Variants in NHSL2 observed in about 807,000 individuals in gnomAD.
NHSL2 encodes the protein NHS-like protein 2.
NHSL2 carries 27 observed loss-of-function variants against 53.4 expected under a neutral mutation model. That is an observed-to-expected ratio of 0.51 (90% CI 0.37 to 0.70). The LOEUF is 0.70. Among genes scored for constraint, NHSL2 ranks in the 30% least tolerant of loss-of-function variants. The pLI is 0.00. For synonymous variants in NHSL2, 408 were observed against 404.1 expected (o/e 1.01, Z -0.12); for missense variants, 892 against 980.1 (o/e 0.91, Z 1.20).
intron 1 of NHSL2, among the ~76,000 whole-genome samples, chrX:71,918,193 G>A (rs1433504207): frequency 1.8e-5 from 2 of 111,072 alleles, no homozygotes; most frequent in African/African-American, 6.6e-5. Context: ...GTGTGTCCCC[G>A]GCTGTGTGTA....
At chrX:71,969,560 G>A (rs780824698) in intron 1 of NHSL2, among the ~76,000 whole-genome samples, 2 of 111,602 alleles carry the variant, frequency 1.8e-5, no homozygotes, top group Admixed American at 9.5e-5. Flanking sequence ...TGATCCACTC[G>A]CTTCAGCCTC....
chrX:72,087,727 C>G (rs1366787593), intron 1 of NHSL2, among the ~76,000 whole-genome samples: 1 of 110,751 alleles, frequency 9.0e-6, no homozygotes, highest in Non-Finnish European at 1.9e-5. Flanking sequence ...AAAAAATTAG[C>G]CAGGCGTGGT....
chrX:71,922,600 C>T (rs1204902176), intron 1 of NHSL2, among the ~76,000 whole-genome samples: 1 of 111,663 alleles, frequency 9.0e-6, no homozygotes, highest in East Asian at 2.8e-4. Flanking sequence ...TCCCTTGAGC[C>T]CAAGAGTTCA....
At chrX:71,931,976 A>T (rs926837289) in intron 1 of NHSL2, among the ~76,000 whole-genome samples, 4 of 112,036 alleles carry the variant, frequency 3.6e-5, no homozygotes, top group African/African-American at 1.3e-4. Flanking sequence ...ATCCACATTC[A>T]TTTTTTCTTT....
chrX:71,949,204 C>T (rs996169995), intron 1 of NHSL2, among the ~76,000 whole-genome samples: 6 of 111,437 alleles, frequency 5.4e-5, no homozygotes, highest in African/African-American at 2.0e-4. Context: ...AATGCTCTTA[C>T]TTGATCAAAT....
intron 1 of NHSL2, among the ~76,000 whole-genome samples, chrX:72,052,866 G>C (rs1970567586): frequency 9.0e-6 from 1 of 111,482 alleles, no homozygotes; most frequent in Non-Finnish European, 1.9e-5. Context: ...CTCTGGCCAA[G>C]CTGCTAACAG....
At chrX:71,977,425 C>CTTTT (rs374810519) in intron 1 of NHSL2, among the ~76,000 whole-genome samples, 1 of 92,725 alleles carries the variant, frequency 1.1e-5, no homozygotes, top group African/African-American at 3.9e-5. Context: ...CTCTCTCTCT[C>CTTTT]TTTTTTTTTT....
chrX:71,987,531 G>A (rs868464485), intron 1 of NHSL2, among the ~76,000 whole-genome samples: 5 of 112,267 alleles, frequency 4.5e-5, no homozygotes, highest in African/African-American at 1.6e-4. Context: ...GCTAGTATGT[G>A]ACCGAATTTA....
chrX:71,964,027 G>GTGTATA (rs1235148982), intron 1 of NHSL2, among the ~76,000 whole-genome samples: 2 of 14,185 alleles, frequency 1.4e-4, no homozygotes, highest in African/African-American at 2.5e-4. Flanking sequence ...ATATATATGT[G>GTGTATA]TATATATATA....
chrX:71,973,886 C>T (rs2041936899), intron 1 of NHSL2, among the ~76,000 whole-genome samples: 2 of 111,115 alleles, frequency 1.8e-5, no homozygotes, highest in African/African-American at 3.3e-5. Flanking sequence ...GAAGCTGAAA[C>T]CCGTAGACTT....
chrX:72,131,449 T>A lies in NHSL2; in HGVS notation c.281-630T>A, dbSNP rs181244327. On this transcript the variant is annotated intron_variant, in intron 1 of 7. Coordinates refer to ENST00000633930, the MANE Select transcript of NHSL2 (RefSeq NM_001013627.3). ...GGCTCTCCCGAGCTGGAGGCCCAAA[T>A]TGGCATTCTCCCCGCGAAGGGCATT... The A allele has an allele frequency of 5.8e-6, 7 of 1,210,054 alleles. No individual in the cohort carries two copies. The South Asian group carries it at 1.1e-4, about 18-fold the overall frequency.
Position 72,142,331 on chromosome X carries a change from G to A in NHSL2, c.3323G>A (p.Arg1108His), listed in dbSNP as rs1440318133. 7.7e-6 allele frequency: 9 copies of A among 1,161,430 alleles called. No individual in the cohort carries two copies. Among genetic ancestry groups the A allele is most frequent in the Non-Finnish European group, 8.1e-6 (7 of 867,768 alleles). The change falls in exon 7 of 8, where the codon CGC (arginine) becomes CAC (histidine). Residue 1108 changes from arginine (R) to histidine (H), a missense_variant. Physicochemically the swap from Arg to His is conservative, Grantham distance 29. Transcript: ENST00000633930. ...GATGATGACGTGTTTGTGGCTTCAC[G>A]CACAACTGAAGATTTATTTACTGTG... ...EDDDDVFVAS[R>H]TTEDLFTVIH... is the part of the protein sequence containing the mutation.
At position 71,989,946 on chromosome X, in the gene NHSL2, C is replaced by T. The variant is rs867888297; in HGVS notation, c.280+78579C>T. 4.4e-5 allele frequency among the ~76,000 whole-genome samples: 5 copies of T among 112,458 alleles called. 1 individual carries two copies. Among genetic ancestry groups the T allele is most frequent in the Middle Eastern group, 9.2e-3 (2 of 218 alleles). The stretch of plus-strand genomic sequence containing the variant: ...TGAGGTGACATGGGAATCATTTTAC[C>T]GCATCACCAGGGCTCCGCCTGCCAG... On this transcript the variant is annotated intron_variant, in intron 1 of 7. Transcript: ENST00000633930.
intron 1 of NHSL2, among the ~76,000 whole-genome samples, chrX:71,976,340 C>T (rs2041948012): frequency 9.0e-6 from 1 of 111,410 alleles, no homozygotes. Context: ...AATAGTTATA[C>T]CTCCTCATAG....
intron 1 of NHSL2, among the ~76,000 whole-genome samples, chrX:72,107,573 C>G (rs1218082503): frequency 8.9e-6 from 1 of 112,104 alleles, no homozygotes. Context: ...CTCTGCTCTG[C>G]TGTCTCCTCT....
intron 1 of NHSL2, among the ~76,000 whole-genome samples, chrX:71,942,954 C>T (rs1248931901): frequency 9.3e-5 from 2 of 21,490 alleles, no homozygotes; most frequent in Non-Finnish European, 2.0e-4. Flanking sequence ...AATGCTCTCT[C>T]TCTCTCTCTC....
rs1312418801 is a variant in NHSL2 at position 72,143,499 on chromosome X, C to A, written c.3603C>A (p.Thr1201=). Residue 1201 remains threonine, a synonymous_variant, in exon 8 of 8, where the codon ACC becomes ACA. Coordinates refer to ENST00000633930, the MANE Select transcript of NHSL2 (RefSeq NM_001013627.3). ...CCTCAGCAGCTGAACTTCTGAAGAC[C>A]ACTAACCCACTGGCTCGGAGAATTA... ...SRPSAAELLK[T]TNPLARRIIA... 2.6e-6 allele frequency: 3 copies of A among 1,166,332 alleles called. No individual in the cohort carries two copies. In the East Asian group the frequency reaches 9.8e-5, roughly 38 times the overall value.
chrX:72,017,451 C>T (rs916910936), intron 1 of NHSL2, among the ~76,000 whole-genome samples: 20 of 113,078 alleles, frequency 1.8e-4, no homozygotes, highest in African/African-American at 5.8e-4. Context: ...AAGCTTCCCA[C>T]TCAGGTGCTC....
At chrX:71,961,237 G>T (rs1418761768) in intron 1 of NHSL2, among the ~76,000 whole-genome samples, 1 of 110,100 alleles carries the variant, frequency 9.1e-6, no homozygotes, top group Non-Finnish European at 1.9e-5. Context: ...CTTGTACCCT[G>T]CAACTTTGCT....
Sources: allele counts gnomAD v4.1 joint callset (sites outside exome capture counted in the v4.1 genomes callset), GRCh38; gene constraint gnomAD v4.1.1; transcripts MANE v1.5; gene names NCBI Gene and HGNC (gene_info 2026-07-23, HGNC 2026-07-21).